Variants in NRXN1 observed in about 807,000 individuals in gnomAD.
NRXN1 encodes neurexin 1, also known as neurexin-1.
In NRXN1, 39 loss-of-function variants were observed where a neutral mutation model predicts 150.9. That is an observed-to-expected ratio of 0.26 (90% CI 0.20 to 0.34). The LOEUF is 0.34. Ranked by LOEUF, NRXN1 falls within the 10% of genes least tolerant of loss-of-function variation. NRXN1 has a pLI of 1.00. For synonymous variants in NRXN1, 924 were observed against 757.0 expected (o/e 1.22, Z -3.62); for missense variants, 1,815 against 1,949.9 (o/e 0.93, Z 1.30).
chr2:50,817,889 A>G (rs1669155069), intron 5 of NRXN1, among the ~76,000 whole-genome samples: 1 of 152,038 alleles, frequency 6.6e-6, no homozygotes, highest in African/African-American at 2.4e-5. Context: ...CCCAGAGCTA[A>G]CAACATACTC....
intron 5 of NRXN1, among the ~76,000 whole-genome samples, chr2:50,749,821 A>G (rs1700390282): frequency 6.6e-6 from 1 of 152,056 alleles, no homozygotes; most frequent in African/African-American, 2.4e-5. Context: ...AGGGTAAATA[A>G]CTTATCCAAG....
chr2:50,576,835 C>G (rs1049357477), intron 8 of NRXN1, among the ~76,000 whole-genome samples: 1 of 152,092 alleles, frequency 6.6e-6, no homozygotes, highest in African/African-American at 2.4e-5. Context: ...TCTCATCCCT[C>G]TGGCTTTTTC....
intron 17 of NRXN1, among the ~76,000 whole-genome samples, chr2:50,267,640 C>T (rs879838269): frequency 6.6e-6 from 1 of 152,002 alleles, no homozygotes; most frequent in African/African-American, 2.4e-5. Context: ...AACAACTAAT[C>T]AAGAAATATT....
Position 50,347,076 on chromosome 2 carries a change from C to G in NRXN1, c.3365-110106G>C. On this transcript the variant is annotated intron_variant, in intron 17 of 22. Coordinates refer to ENST00000401669, the MANE Select transcript of NRXN1 (RefSeq NM_001330078.2). The surrounding 1 kb of genome is among the most constrained non-coding windows in gnomAD (Gnocchi z 4.9). ...GGCCGGCCGCCTCACCGCGCCAGGG[C>G]ACCCATCCTCTCCCTCCTTCGGACA... 7.2e-7 allele frequency: 1 copy of G among 1,383,256 alleles called. No homozygotes were observed. The highest frequency in any genetic ancestry group is 9.5e-7 in the Non-Finnish European group (1 of 1,053,222). The allele number at this position is 1,383,256 out of a possible 1,614,324, so 85.7% of individuals were successfully genotyped here. A position where few individuals can be genotyped will look rare whatever the true frequency, so the allele number is the denominator to read the frequency against.
chr2:50,851,996 T>A (rs1444280168), intron 5 of NRXN1, among the ~76,000 whole-genome samples: 1 of 152,208 alleles, frequency 6.6e-6, no homozygotes, highest in Non-Finnish European at 1.5e-5. Context: ...AATGTCTTTT[T>A]AGCCACAGAA....
chr2:50,753,158 T>C (rs1163103852), intron 5 of NRXN1, among the ~76,000 whole-genome samples: 1 of 151,990 alleles, frequency 6.6e-6, no homozygotes, highest in African/African-American at 2.4e-5. Context: ...TTGTGAAATA[T>C]ATGTAACTTT....
intron 5 of NRXN1, among the ~76,000 whole-genome samples, chr2:50,880,414 T>C (rs1425740009): frequency 1.3e-5 from 2 of 151,984 alleles, no homozygotes; most frequent in Non-Finnish European, 2.9e-5. Context: ...AGAATAGTCA[T>C]ATGTGATCAC....
intron 21 of NRXN1, among the ~76,000 whole-genome samples, chr2:50,046,020 C>G (rs1468554763): frequency 6.6e-6 from 1 of 152,138 alleles, no homozygotes; most frequent in Non-Finnish European, 1.5e-5. Context: ...AGGATAGATA[C>G]AGAAATCATA....
chr2:50,923,768 C>T (rs926247473), intron 3 of NRXN1, among the ~76,000 whole-genome samples: 5 of 151,652 alleles, frequency 3.3e-5, no homozygotes, highest in Non-Finnish European at 7.4e-5. Flanking sequence ...ATATTTGAAA[C>T]TTTATTTGAG....
intron 17 of NRXN1, among the ~76,000 whole-genome samples, chr2:50,462,776 T>A (rs149391970): frequency 1.3e-5 from 2 of 151,832 alleles, no homozygotes; most frequent in Admixed American, 1.3e-4. Context: ...TTATCCAAGA[T>A]TACATTTACA....
At chr2:50,613,791 AC>A (rs927206607) in intron 8 of NRXN1, among the ~76,000 whole-genome samples, 19 of 151,914 alleles carry the variant, frequency 1.3e-4, no homozygotes, top group African/African-American at 4.6e-4. Context: ...ACAAAAAATT[AC>A]CCGGGCATGG....
At chr2:50,050,503 G>C (rs1230869677) in intron 21 of NRXN1, among the ~76,000 whole-genome samples, 1 of 151,994 alleles carries the variant, frequency 6.6e-6, no homozygotes. Context: ...TTTGAAAAAT[G>C]AAATGACCCT....
At chr2:50,699,362 A>C (rs1354067272) in intron 5 of NRXN1, among the ~76,000 whole-genome samples, 1 of 152,200 alleles carries the variant, frequency 6.6e-6, no homozygotes, top group Admixed American at 6.5e-5. Flanking sequence ...AGACGTAATT[A>C]ATGTTATAGA....
intron 12 of NRXN1, among the ~76,000 whole-genome samples, chr2:50,512,293 C>A (rs1003278101): frequency 1.3e-5 from 2 of 152,092 alleles, no homozygotes; most frequent in Non-Finnish European, 2.9e-5. Context: ...GGCTCTTCTA[C>A]CCAAGAATTA....
At chr2:50,620,906 G>C (rs541850483) in intron 7 of NRXN1, 3 of 163,164 alleles carry the variant, frequency 1.8e-5, no homozygotes, top group African/African-American at 1.9e-4. Context: ...TGAATGGTTA[G>C]AGACTGGCTG....
chr2:50,531,263 G>C lies in NRXN1; in HGVS notation c.2311C>G (p.Leu771Val). Reference sequence around the variant, plus strand: ...GTCAGTTTCACACGTCCTGCGTCTAGCTCCAGGCGGAGGGTGTCAGCAGAG... The same window carrying C: ...GTCAGTTTCACACGTCCTGCGTCTACCTCCAGGCGGAGGGTGTCAGCAGAG... ...RDSADTLRLELDAGRVKLTVN... is the reference protein window; with the variant it reads ...RDSADTLRLEVDAGRVKLTVN... Residue 771 changes from leucine (L) to valine (V), a missense_variant, in exon 11 of 23, where the codon CTA becomes GTA. This residue lies in a region of NRXN1 where 638 missense variants were observed against 652.6 expected (regional missense o/e 0.98). Transcript: ENST00000401669. 4.3e-6 allele frequency: 7 copies of C among 1,613,572 alleles called. No individual in the cohort carries two copies. The highest frequency in any genetic ancestry group is 5.9e-6 in the Non-Finnish European group (7 of 1,179,694).
At chr2:50,462,995 T>A (rs74940395) in intron 17 of NRXN1, among the ~76,000 whole-genome samples, 2,242 of 151,920 alleles carry the variant, frequency 0.015, 56 homozygotes, top group African/African-American at 0.05. Flanking sequence ...TTTTTTGTTT[T>A]CTATGTAATT....
At chr2:50,306,757 T>A (rs1272917080) in intron 17 of NRXN1, among the ~76,000 whole-genome samples, 3 of 152,240 alleles carry the variant, frequency 2.0e-5, no homozygotes, top group Non-Finnish European at 4.4e-5. Context: ...ATACTGACAT[T>A]TTTGAGTGTA....
chr2:50,079,993 T>C (rs1697707868), intron 19 of NRXN1, among the ~76,000 whole-genome samples: 1 of 152,096 alleles, frequency 6.6e-6, no homozygotes, highest in Non-Finnish European at 1.5e-5. Flanking sequence ...TGGCATGCAA[T>C]TTAAATAATA....
Sources: allele counts gnomAD v4.1 joint callset (sites outside exome capture counted in the v4.1 genomes callset), GRCh38; gene constraint gnomAD v4.1.1; regional missense constraint gnomAD v4.1.1; non-coding constraint Gnocchi (gnomAD v3.1); transcripts MANE v1.5; gene names NCBI Gene and HGNC (gene_info 2026-07-23, HGNC 2026-07-21).